The following KMT2C variants were observed in gnomAD, a reference collection of about 807,000 sequenced individuals.
KMT2C encodes the protein histone-lysine N-methyltransferase 2C.
Under a neutral mutation model 507.9 loss-of-function variants are expected in KMT2C, and 88 were observed. The ratio of observed to expected loss-of-function variants is 0.17; its 90% CI spans 0.15 to 0.21. The LOEUF is 0.21. Among genes scored for constraint, KMT2C ranks in the 10% least tolerant of loss-of-function variants. The probability of loss-of-function intolerance (pLI) is 1.00; values close to 1 mark genes in which losing one functional copy is unlikely to be tolerated. For synonymous variants in KMT2C, 2,049 were observed against 2,080.8 expected, an observed-to-expected ratio of 0.98 and a Z score of 0.42; for missense variants, 4,954 against 5,957.8, an observed-to-expected ratio of 0.83 and a Z score of 5.55.
chr7:152,221,402 G>C (rs1037744104), intron 22 of KMT2C, among the ~76,000 whole-genome samples: 20 of 152,204 alleles, frequency 1.3e-4, no homozygotes, highest in Non-Finnish European at 2.8e-4. Context: ...TAAGAGAAGA[G>C]AGAATACTCC....
intron 42 of KMT2C, among the ~76,000 whole-genome samples, chr7:152,166,139 T>C (rs2092717486): frequency 1.3e-5 from 2 of 151,734 alleles, no homozygotes; most frequent in South Asian, 2.1e-4. Flanking sequence ...TTTTTTTTTT[T>C]TTGAGATGGA....
intron 9 of KMT2C, among the ~76,000 whole-genome samples, chr7:152,255,157 A>ATATATATATATATG (rs767823858): frequency 3.1e-5 from 4 of 128,374 alleles, no homozygotes; most frequent in African/African-American, 1.2e-4. Context: ...ATATATATAT[A>ATATATATATATATG]TGTGTGTGTG....
At chr7:152,353,733 A>C (rs930400068) in intron 2 of KMT2C, among the ~76,000 whole-genome samples, 3 of 152,100 alleles carry the variant, frequency 2.0e-5, no homozygotes, top group Non-Finnish European at 2.9e-5. Flanking sequence ...TCCTGAGCTC[A>C]AGCAATCCAC....
At chr7:152,219,594 C>A (rs866787347) in intron 23 of KMT2C, among the ~76,000 whole-genome samples, 117 of 147,988 alleles carry the variant, frequency 7.9e-4, no homozygotes, top group Non-Finnish European at 6.9e-4. Context: ...AAAAAAAAAA[C>A]AAAAAACTAT....
intron 6 of KMT2C, among the ~76,000 whole-genome samples, chr7:152,309,644 C>T (rs2096653063): frequency 6.6e-6 from 1 of 151,090 alleles, no homozygotes; most frequent in South Asian, 2.1e-4. Flanking sequence ...CCTCAGTGTC[C>T]CAAGTAGCTG....
At chr7:152,415,154 G>T (rs959215509) in intron 1 of KMT2C, among the ~76,000 whole-genome samples, 1 of 152,124 alleles carries the variant, frequency 6.6e-6, no homozygotes, top group African/African-American at 2.4e-5. Context: ...TTTTCTGGAT[G>T]AAAGAGAGGA....
intron 14 of KMT2C, among the ~76,000 whole-genome samples, chr7:152,244,420 C>A (rs947035031): frequency 6.6e-6 from 1 of 152,088 alleles, no homozygotes; most frequent in Non-Finnish European, 1.5e-5. Flanking sequence ...GGGGCTCACA[C>A]CTGTAATCCC....
At chr7:152,180,282 A>G (rs540057993) in intron 36 of KMT2C, among the ~76,000 whole-genome samples, 156 bp from the exon 37 acceptor site, 6 of 152,282 alleles carry the variant, frequency 3.9e-5, no homozygotes, top group Admixed American at 2.0e-4. Flanking sequence ...CAGCCTCTCA[A>G]GTAGCTGGGA....
chr7:152,161,209 G>C lies in KMT2C; in HGVS notation c.11460+908C>G, dbSNP rs147810719. ...TACAAAAATTACACAAATCTATCAA[G>C]TCAACACTCAATCTCTACTGAATGG... On this transcript the variant is annotated intron_variant, in intron 43 of 58. Coordinates refer to ENST00000262189, the MANE Select transcript of KMT2C (RefSeq NM_170606.3). 5.5e-4 allele frequency among the ~76,000 whole-genome samples: 83 copies of C among 152,160 alleles called. 1 individual carries two copies. The highest frequency in any genetic ancestry group is 1.9e-3 in the Admixed American group (29 of 15,294).
chr7:152,156,800 C>T lies in KMT2C; in HGVS notation c.11671-454G>A, dbSNP rs142002068. On this transcript the variant is annotated intron_variant, in intron 44 of 58. Transcript: ENST00000262189. ...TTAAACTTGTAATACAACTCACATCCGAGATATGAGAATCTGGATTGACTA... is the reference window on the plus strand; with the variant it reads ...TTAAACTTGTAATACAACTCACATCTGAGATATGAGAATCTGGATTGACTA... 4.6e-3 allele frequency among the ~76,000 whole-genome samples: 703 copies of T among 152,140 alleles called. 2 individuals are homozygous for T. The highest frequency in any genetic ancestry group is 0.016 in the African/African-American group (662 of 41,502).
chr7:152,158,814 C>T (rs748344786), intron 44 of KMT2C, 49 bp downstream of exon 44: 5 of 1,567,424 alleles, frequency 3.2e-6, no homozygotes, highest in Non-Finnish European at 4.4e-6. Flanking sequence ...TGCCCCCAGC[C>T]TATATCCTTG....
At chr7:152,262,031 G>A (rs78984033) in intron 9 of KMT2C, among the ~76,000 whole-genome samples, 3 of 151,894 alleles carry the variant, frequency 2.0e-5, no homozygotes, top group African/African-American at 7.3e-5. Context: ...TGCCTAATAG[G>A]ACTTGCTGAA....
chr7:152,159,529 A>G (rs1393834417), intron 43 of KMT2C, among the ~76,000 whole-genome samples: 4 of 152,198 alleles, frequency 2.6e-5, no homozygotes, highest in African/African-American at 9.7e-5. Context: ...GGCTCCAGAA[A>G]AGCTTTACAG....
chr7:152,206,933 T>C (rs1447413653), intron 24 of KMT2C, among the ~76,000 whole-genome samples: 3 of 152,244 alleles, frequency 2.0e-5, no homozygotes, highest in Middle Eastern at 3.4e-3. Flanking sequence ...AAAAAAGATA[T>C]TAGAAAGTGA....
chr7:152,202,964 C>A lies in KMT2C; in HGVS notation c.4062G>T (p.Lys1354Asn). 1 of 1,606,252 alleles carries A rather than the reference C, an allele frequency of 6.2e-7. No individual in the cohort carries two copies. The highest frequency in any genetic ancestry group is 8.5e-7 in the Non-Finnish European group (1 of 1,174,868). ...AATAGGCAGGGAAAGTTTCTTCAAG[C>A]TTATTTTTCCTTTTTCGGTATCTCT... ...IKKRYRKRKNKLEETFPAYLQ... is the reference protein window; with the variant it reads ...IKKRYRKRKNNLEETFPAYLQ... The change falls in exon 26 of 59, where the codon AAG (lysine) becomes AAT (asparagine). Residue 1354 changes from lysine to asparagine, a missense_variant. By Grantham distance (94) the Lys-to-Asn change is moderately conservative (BLOSUM62 0). This residue lies in a region of KMT2C where 176 missense variants were observed against 262.0 expected (regional missense o/e 0.67). Transcript: ENST00000262189.
chr7:152,234,011 A>G (rs1307325905), intron 16 of KMT2C, among the ~76,000 whole-genome samples: 1 of 151,772 alleles, frequency 6.6e-6, no homozygotes, highest in Non-Finnish European at 1.5e-5. Flanking sequence ...GGTGCGCGCC[A>G]GTAATCCCAG....
chr7:152,312,516 G>A lies in KMT2C; in HGVS notation c.591-570C>T, dbSNP rs2129201014. On this transcript the variant is annotated intron_variant, in intron 4 of 58. Coordinates refer to ENST00000262189, the MANE Select transcript of KMT2C (RefSeq NM_170606.3). ...ATGGTCCCGTCAACAAATCTCAACAGCTGGTCTGTGGCATGACGTTGCAAG... is the reference window on the plus strand; with the variant it reads ...ATGGTCCCGTCAACAAATCTCAACAACTGGTCTGTGGCATGACGTTGCAAG... Among the ~76,000 whole-genome samples, 3 of 152,288 alleles carry A rather than the reference G, an allele frequency of 2.0e-5. 1 individual carries two copies. In the Middle Eastern group the frequency reaches 0.01, roughly 518 times the overall value.
intron 1 of KMT2C, among the ~76,000 whole-genome samples, chr7:152,425,144 T>C (rs1355098338): frequency 6.6e-6 from 1 of 152,186 alleles, no homozygotes; most frequent in Non-Finnish European, 1.5e-5. Context: ...AACACCTTAA[T>C]ATATGACTTC....
chr7:152,299,632 G>T (rs1446711050), intron 6 of KMT2C, among the ~76,000 whole-genome samples: 1 of 152,014 alleles, frequency 6.6e-6, no homozygotes, highest in Non-Finnish European at 1.5e-5. Flanking sequence ...TTGGGTGACA[G>T]AGTAAGACCC....
Sources: gnomAD v4.1 joint callset for allele counts (sites outside exome capture counted in the v4.1 genomes callset) on GRCh38, gnomAD v4.1.1 for gene constraint, gnomAD v4.1.1 regional missense constraint, MANE v1.5 for transcripts, NCBI Gene and HGNC (gene_info 2026-07-23, HGNC 2026-07-21) for gene names.